HOOK2: variants seen among roughly 807,000 people sequenced by gnomAD.
HOOK2 encodes the protein protein Hook homolog 2.
A neutral mutation model predicts 111.9 loss-of-function variants in HOOK2; 108 were observed. The observed-to-expected ratio is 0.96, with a 90% CI of 0.83 to 1.13. HOOK2 has a LOEUF of 1.13. HOOK2 is among the 50% of genes most tolerant of loss of function. The pLI is 0.00. For missense variants in HOOK2, 978 were observed against 951.3 expected (o/e 1.03, Z -0.37); for synonymous variants, 405 against 394.3 (o/e 1.03, Z -0.32).
At chr19:12,767,554 TC>T (rs1268255373) in intron 13 of HOOK2, 90 bp from the exon 14 acceptor site, 1 of 1,157,934 alleles carries the variant, frequency 8.6e-7, no homozygotes, top group African/African-American at 1.5e-5. Context: ...TTTTGGGGCT[TC>T]AAGTTCAGCC....
chr19:12,770,174 C>T, intron 10 of HOOK2, 92 bp from the exon 11 acceptor site: 1 of 1,153,214 alleles, frequency 8.7e-7, no homozygotes, highest in South Asian at 1.7e-5. Flanking sequence ...GGGTGTTGTT[C>T]AGCCTGAGGC....
In HOOK2 at chr19:12,766,130, G is replaced by A; in HGVS notation, c.1484C>T (p.Ala495Val). The A allele has an allele frequency of 6.2e-7, 1 of 1,601,826 alleles. No homozygotes were observed. The highest frequency in any genetic ancestry group is 8.5e-7 in the Non-Finnish European group (1 of 1,179,032). Reference protein sequence around the residue: ...LQRHLEDANRARHGLETQHRL... With the variant: ...LQRHLEDANRVRHGLETQHRL... ...GTGCTGCGTCTCCAACCCGTGGCGC[G>A]CGCGGTTGGCATCCTCCAGGTGGCG... Residue 495 changes from alanine to valine, a missense_variant, in exon 15 of 23, where the codon GCG (alanine) becomes GTG (valine). Ala to Val is a moderately conservative substitution (Grantham distance 64). Transcript: ENST00000397668.
chr19:12,764,638 T>C, intron 20 of HOOK2, 176 bp downstream of exon 20: 1 of 647,542 alleles, frequency 1.5e-6, no homozygotes, highest in East Asian at 2.6e-5. Flanking sequence ...AGCTGTGCAG[T>C]ATTTTAATGT....
upstream of HOOK2, among the ~76,000 whole-genome samples, chr19:12,781,509 G>A (rs1968601592): frequency 6.6e-6 from 1 of 151,542 alleles, no homozygotes; most frequent in African/African-American, 2.4e-5. Flanking sequence ...TGTATTTTTA[G>A]TAGAGACGGG....
In HOOK2 at chr19:12,766,112, G is replaced by A. The variant is rs746736286; in HGVS notation, c.1502C>T (p.Thr501Met). ...GTCCCCAGGCGCTCACCGGTGCTGC[G>A]TCTCCAACCCGTGGCGCGCGCGGTT... ...DANRARHGLE[T>M]QHRLNQQQLS... is the part of the protein sequence containing the mutation. The change falls in exon 15 of 23, where the codon ACG (threonine) becomes ATG (methionine). Residue 501 changes from threonine to methionine, a missense_variant. Physicochemically the swap from Thr to Met is moderately conservative, Grantham distance 81. This residue lies in a region of HOOK2 where 388 missense variants were observed against 358.3 expected (regional missense o/e 1.08). Transcript: ENST00000397668. The A allele has an allele frequency of 2.5e-6, 4 of 1,602,246 alleles. No individual in the cohort carries two copies. The highest frequency in any genetic ancestry group is 4.5e-5 in the East Asian group (2 of 44,816).
At chr19:12,778,735 A>C (rs1968567272), upstream of HOOK2, among the ~76,000 whole-genome samples, 1 of 152,144 alleles carries the variant, frequency 6.6e-6, no homozygotes, top group South Asian at 2.1e-4. Flanking sequence ...AATTGACTTA[A>C]ATTGTGCTAA....
At position 12,786,443 on chromosome 19, in the gene HOOK2, G is replaced by A. The variant is rs980859541; in HGVS notation, n.42-12218C>T. Among the ~76,000 whole-genome samples the A allele has an allele frequency of 6.6e-6, 1 of 152,140 alleles. No individual in the cohort carries two copies. Among genetic ancestry groups the A allele is most frequent in the Non-Finnish European group, 1.5e-5 (1 of 67,978 alleles). ...AAGCCCCGAAGACACTTGTGGGTGGGGGTGGGTGAACTTCCTCCTTATCCT... is the reference window on the plus strand; with the variant it reads ...AAGCCCCGAAGACACTTGTGGGTGGAGGTGGGTGAACTTCCTCCTTATCCT... On this transcript the variant is annotated intron_variant and non_coding_transcript_variant, in intron 3 of 3. Transcript: ENST00000589765. The surrounding 1 kb of genome is among the most constrained non-coding windows in gnomAD (Gnocchi z 4.3).
intron 14 of HOOK2, 105 bp downstream of exon 14, chr19:12,767,290 G>A: frequency 1.0e-6 from 1 of 966,176 alleles, no homozygotes. Context: ...CTGGAGCTGA[G>A]ACCAAGCAAC....
At position 12,771,226 on chromosome 19, in the gene HOOK2, C is replaced by CT; in HGVS notation, c.693dup (p.Gly232ArgfsTer31). 2 of 1,611,436 alleles carry CT rather than the reference C, an allele frequency of 1.2e-6. No individual in the cohort carries two copies. Among genetic ancestry groups the CT allele is most frequent in the Non-Finnish European group, 1.7e-6 (2 of 1,178,916 alleles). The stretch of plus-strand genomic sequence containing the variant: ...AGCAGCAGCTTCTTGGCAGTGAGAC[C>CT]TGGGGTACCCTCGCCTTCAGGCCGG... On this transcript the variant is annotated frameshift_variant, in exon 9 of 23. Transcript: ENST00000397668. LOFTEE classifies it high-confidence loss of function.
chr19:12,767,118 CAA>C (rs1264801584), intron 14 of HOOK2, among the ~76,000 whole-genome samples: 1 of 152,116 alleles, frequency 6.6e-6, no homozygotes, highest in Admixed American at 6.6e-5. Context: ...GGGAAAGGAT[CAA>C]AGTCAGCGGG....
rs1330623066 is a variant in HOOK2 at position 12,763,696 on chromosome 19, TC to T, written c.1909del (p.Glu637AsnfsTer75). 1 of 1,614,210 alleles carries T rather than the reference TC, an allele frequency of 6.2e-7. No individual in the cohort carries two copies. Among genetic ancestry groups the T allele is most frequent in the Non-Finnish European group, 8.5e-7 (1 of 1,180,024 alleles). On this transcript the variant is annotated frameshift_variant, in exon 21 of 23. Transcript: ENST00000397668. LOFTEE classifies it high-confidence loss of function. ...CAGGTGTCGGATGCGGACATCCCGT[TC>T]TCGGAGCTGTGTCCTCAGGGAATGG... ...ELHSLRTQLR[E>X]RDVRIRHLEM...
chr19:12,791,677 C>A lies in HOOK2; in HGVS notation n.42-17452G>T. ...CCCCGAGAACGCGCGACCAGGCACC[C>A]AGTCCGGTCACCGCAGCGGAGAGCT... On this transcript the variant is annotated intron_variant and non_coding_transcript_variant, in intron 3 of 3. Coordinates refer to the HOOK2 transcript ENST00000589765. The surrounding 1 kb of genome is among the most constrained non-coding windows in gnomAD (Gnocchi z 7.0). 1.1e-6 allele frequency: 1 copy of A among 906,348 alleles called. No homozygotes were observed. The highest frequency in any genetic ancestry group is 2.0e-5 in the South Asian group (1 of 49,370). The allele number at this position is 906,348 out of a possible 1,614,324, so 56.1% of individuals were successfully genotyped here. A position where few individuals can be genotyped will look rare whatever the true frequency, so the allele number is the denominator to read the frequency against.
intron 11 of HOOK2, 112 bp downstream of exon 11, chr19:12,769,769 G>C (rs1055151743): frequency 1.2e-6 from 1 of 846,882 alleles, no homozygotes; most frequent in Non-Finnish European, 1.7e-6. Flanking sequence ...CCCGGAGAGC[G>C]TGGCCTACGT....
chr19:12,770,022 C>T lies in HOOK2; in HGVS notation c.963G>A (p.Leu321=), dbSNP rs1968270455. Reference sequence around the variant, plus strand: ...GCCGCCGCAGCTCCCTCAGCTCGCCCAAGCGGCGCCGGCAACTGGTCAGCG... The same window carrying T: ...GCCGCCGCAGCTCCCTCAGCTCGCCTAAGCGGCGCCGGCAACTGGTCAGCG... ...EATLTSCRRR[L]GELRELRRQV... Residue 321 remains leucine (L), a synonymous_variant, in exon 11 of 23, where the codon TTG becomes TTA. Transcript: ENST00000397668. 1.3e-6 allele frequency: 2 copies of T among 1,540,804 alleles called. No individual in the cohort carries two copies. Among genetic ancestry groups the T allele is most frequent in the Non-Finnish European group, 1.7e-6 (2 of 1,146,932 alleles).
upstream of HOOK2, among the ~76,000 whole-genome samples, chr19:12,779,992 A>C (rs1968583301): frequency 1.3e-5 from 2 of 152,126 alleles, no homozygotes. Flanking sequence ...TCTACTAATA[A>C]TACAATAATC....
chr19:12,767,729 C>T, intron 13 of HOOK2, 87 bp downstream of exon 13: 1 of 1,277,500 alleles, frequency 7.8e-7, no homozygotes, highest in South Asian at 1.3e-5. Flanking sequence ...GCTCTGTCCC[C>T]AACCTAGACA....
intron 5 of HOOK2, 33 bp from the exon 6 acceptor site, chr19:12,772,713 G>A (rs747683771): frequency 1.2e-6 from 2 of 1,614,032 alleles, no homozygotes; most frequent in South Asian, 1.1e-5. Context: ...CTGAGACCCA[G>A]GGGTGAGGTG....
chr19:12,763,407 C>T lies in HOOK2; in HGVS notation c.2035G>A (p.Gly679Arg). The T allele has an allele frequency of 6.2e-7, 1 of 1,614,018 alleles. No individual in the cohort carries two copies. The highest frequency in any genetic ancestry group is 8.5e-7 in the Non-Finnish European group (1 of 1,179,968). ...GCATGGGCAGGCGCCCGCTCCTCCC[C>T]AGCTCGCTGCTGCAAGGCCATGCCC... ...NMGMALQQRAGEERAPAHAQS... is the reference protein window; with the variant it reads ...NMGMALQQRAREERAPAHAQS... Residue 679 changes from glycine to arginine, a missense_variant, in exon 23 of 23, where the codon GGG (glycine) becomes AGG (arginine). Physicochemically the swap from Gly to Arg is moderately radical, Grantham distance 125. Transcript: ENST00000397668.
chr19:12,768,804 T>C (rs1326731654), intron 11 of HOOK2, among the ~76,000 whole-genome samples: 1 of 151,714 alleles, frequency 6.6e-6, no homozygotes. Context: ...TAATATCTTT[T>C]ACTTTTTTCT....
Sources: gnomAD v4.1 joint callset for allele counts (sites outside exome capture counted in the v4.1 genomes callset) on GRCh38, gnomAD v4.1.1 for gene constraint, gnomAD v4.1.1 regional missense constraint, Gnocchi (gnomAD v3.1) non-coding constraint, MANE v1.5 for transcripts, NCBI Gene and HGNC (gene_info 2026-07-23, HGNC 2026-07-21) for gene names.